UNC5C: variants seen among roughly 807,000 people sequenced by gnomAD.
UNC5C encodes unc-5 netrin receptor C, also known as netrin receptor UNC5C.
A neutral mutation model predicts 99.8 loss-of-function variants in UNC5C; 47 were observed. The observed-to-expected ratio is 0.47, with a 90% confidence interval of 0.37 to 0.60. The LOEUF is 0.60. Ranked by LOEUF, UNC5C falls within the 20% of genes least tolerant of loss-of-function variation. The probability of loss-of-function intolerance (pLI) is 0.00; values close to 1 mark genes in which losing one functional copy is unlikely to be tolerated. For synonymous variants in UNC5C, 487 were observed against 452.2 expected, an observed-to-expected ratio of 1.08 and a Z score of -0.98; for missense variants, 1,062 against 1,165.9, an observed-to-expected ratio of 0.91 and a Z score of 1.30.
At chr4:95,272,262 T>C (rs920964704) in intron 4 of UNC5C, among the ~76,000 whole-genome samples, 4 of 152,234 alleles carry the variant, frequency 2.6e-5, no homozygotes, top group Non-Finnish European at 5.9e-5. Flanking sequence ...TGGCATACCA[T>C]GCATCTGCAG....
chr4:95,435,133 CA>C (rs1340847386), intron 1 of UNC5C, among the ~76,000 whole-genome samples: 7 of 152,126 alleles, frequency 4.6e-5, no homozygotes, highest in African/African-American at 1.7e-4. Context: ...AGCAGACAAA[CA>C]AAAGGTTTTG....
At chr4:95,223,618 T>C (rs1339531093) in intron 7 of UNC5C, among the ~76,000 whole-genome samples, 1 of 152,200 alleles carries the variant, frequency 6.6e-6, no homozygotes, top group Non-Finnish European at 1.5e-5. Flanking sequence ...TTTAGAGCAA[T>C]GATTGCAACC....
At chr4:95,284,275 T>C (rs1030162163) in intron 3 of UNC5C, among the ~76,000 whole-genome samples, 25 of 152,358 alleles carry the variant, frequency 1.6e-4, no homozygotes, top group South Asian at 1.0e-3. Context: ...TTTCTGGCCT[T>C]CAGTTTCCAT....
intron 1 of UNC5C, among the ~76,000 whole-genome samples, chr4:95,391,100 C>T (rs951335835): frequency 6.6e-6 from 1 of 152,188 alleles, no homozygotes; most frequent in Non-Finnish European, 1.5e-5. Context: ...CTGCCTGTTG[C>T]CATGCAAGAT....
intron 4 of UNC5C, among the ~76,000 whole-genome samples, chr4:95,257,985 G>T (rs1358140522): frequency 1.3e-5 from 2 of 152,144 alleles, no homozygotes; most frequent in Non-Finnish European, 2.9e-5. Context: ...TCATGTAAAG[G>T]ATTGTCTGAA....
chr4:95,234,380 C>CTTT (rs1411153601), intron 7 of UNC5C, among the ~76,000 whole-genome samples: 1 of 108,208 alleles, frequency 9.2e-6, no homozygotes, highest in Non-Finnish European at 1.9e-5. Context: ...AAATCGCTTA[C>CTTT]CTTTTTTTTA....
chr4:95,225,166 C>T (rs1183547030), intron 7 of UNC5C, among the ~76,000 whole-genome samples: 1 of 152,146 alleles, frequency 6.6e-6, no homozygotes, highest in Non-Finnish European at 1.5e-5. Context: ...AAGCGATTCT[C>T]CTGTCTCAGC....
chr4:95,361,805 A>AGAT (rs1401662756), intron 1 of UNC5C, among the ~76,000 whole-genome samples: 3 of 152,168 alleles, frequency 2.0e-5, no homozygotes, highest in Non-Finnish European at 4.4e-5. Flanking sequence ...CTTTTTTCAC[A>AGAT]GATTAGGAAA....
intron 12 of UNC5C, among the ~76,000 whole-genome samples, chr4:95,199,506 T>C (rs992674852): frequency 2.6e-5 from 4 of 152,230 alleles, no homozygotes; most frequent in African/African-American, 9.6e-5. Flanking sequence ...TTAGAAAGCA[T>C]TGACCATGAT....
chr4:95,354,476 T>C (rs535782424), intron 1 of UNC5C, among the ~76,000 whole-genome samples: 39 of 116,534 alleles, frequency 3.3e-4, no homozygotes, highest in African/African-American at 1.4e-3. Flanking sequence ...TCCATATATA[T>C]ATATTTTTTT....
chr4:95,339,250 T>C (rs534434413), intron 1 of UNC5C, among the ~76,000 whole-genome samples: 1 of 152,204 alleles, frequency 6.6e-6, no homozygotes, highest in East Asian at 1.9e-4. Flanking sequence ...TATGTGTCTG[T>C]GGCCTTCCTT....
chr4:95,451,734 A>AT, intron 1 of UNC5C, among the ~76,000 whole-genome samples: 1 of 152,294 alleles, frequency 6.6e-6, no homozygotes, highest in African/African-American at 2.4e-5. Flanking sequence ...AAGCAACTAT[A>AT]TTTTTCAAGA....
chr4:95,163,318 T>A lies in UNC5C; in HGVS notation c.*5916A>T, dbSNP rs1735744495. On this transcript the variant is annotated 3_prime_UTR_variant, in exon 16 of 16. Transcript: ENST00000453304. ...TATTTTACACCAGCTGTAGATTTCTTGCTCTTATATGTCACTCCGAACAGA... is the reference window on the plus strand; with the variant it reads ...TATTTTACACCAGCTGTAGATTTCTAGCTCTTATATGTCACTCCGAACAGA... 6.6e-6 allele frequency: 1 copy of A among 152,238 alleles called. No individual in the cohort carries two copies. Among genetic ancestry groups the A allele is most frequent in the South Asian group, 2.1e-4 (1 of 4,832 alleles). The allele number at this position is 152,238 out of a possible 1,614,324, so 9.4% of individuals were successfully genotyped here. A position where few individuals can be genotyped will look rare whatever the true frequency, so the allele number is the denominator to read the frequency against.
intron 1 of UNC5C, among the ~76,000 whole-genome samples, chr4:95,543,948 T>C (rs1012262614): frequency 6.6e-6 from 1 of 152,238 alleles, no homozygotes; most frequent in Non-Finnish European, 1.5e-5. Context: ...TCTCTTCAGA[T>C]AGCTCCATTT....
intron 2 of UNC5C, among the ~76,000 whole-genome samples, chr4:95,323,226 C>T (rs1742758067): frequency 1.3e-5 from 2 of 152,120 alleles, no homozygotes; most frequent in Non-Finnish European, 2.9e-5. Context: ...TGTTGAGCCC[C>T]TATTAAGTAC....
At chr4:95,401,517 G>A (rs1023175557) in intron 1 of UNC5C, among the ~76,000 whole-genome samples, 4 of 152,102 alleles carry the variant, frequency 2.6e-5, no homozygotes, top group Non-Finnish European at 5.9e-5. Flanking sequence ...ATGTTGCCCA[G>A]GTTGGTCTTG....
rs557757427 is a variant in UNC5C at position 95,400,969 on chromosome 4, C to G, written c.125-65338G>C. On this transcript the variant is annotated intron_variant, in intron 1 of 15. Transcript: ENST00000453304. ...CAAATCACATATGGAGCCAAATTGC[C>G]AGCAAACGGATTCTTTCTTCATTGA... is the stretch of plus-strand genomic sequence containing the variant. Among the ~76,000 whole-genome samples the G allele has an allele frequency of 2.6e-5, 4 of 152,316 alleles. 1 individual carries two copies. The South Asian group carries it at 8.3e-4, about 32-fold the overall frequency.
At chr4:95,323,225 C>A (rs1335600625) in intron 2 of UNC5C, among the ~76,000 whole-genome samples, 1 of 151,968 alleles carries the variant, frequency 6.6e-6, no homozygotes, top group Admixed American at 6.6e-5. Context: ...TTGTTGAGCC[C>A]CTATTAAGTA....
Position 95,185,039 on chromosome 4 carries a change from A to T in UNC5C, c.2286+8T>A. 1 of 1,608,426 alleles carries T rather than the reference A, an allele frequency of 6.2e-7. No individual in the cohort carries two copies. The highest frequency in any genetic ancestry group is 8.5e-7 in the Non-Finnish European group (1 of 1,178,272). ...CTCCAGACCTTTTGTTCGGCTTGGG[A>T]ACCTTACCTGATATTTAGCCAGCAA... is the stretch of plus-strand genomic sequence containing the variant. On this transcript the variant is annotated splice_region_variant and intron_variant, in intron 13 of 15. Coordinates refer to ENST00000453304, the MANE Select transcript of UNC5C (RefSeq NM_003728.4).
Sources: gnomAD v4.1 joint callset for allele counts (sites outside exome capture counted in the v4.1 genomes callset) on GRCh38, gnomAD v4.1.1 for gene constraint, MANE v1.5 for transcripts, NCBI Gene and HGNC (gene_info 2026-07-23, HGNC 2026-07-21) for gene names.